SHISAL1: variants seen among roughly 807,000 people sequenced by gnomAD.
The protein encoded by SHISAL1 is protein shisa-like-1.
SHISAL1 carries 9 observed loss-of-function variants against 22.6 expected under a neutral mutation model. The ratio of observed to expected loss-of-function variants is 0.40; its 90% confidence interval spans 0.24 to 0.70. The LOEUF (loss-of-function observed/expected upper bound fraction) is 0.70, where lower values mean the gene tolerates loss of function less well. Ranked by LOEUF, SHISAL1 falls within the 30% of genes least tolerant of loss-of-function variation. The pLI is 0.39. For missense variants in SHISAL1, 246 were observed against 270.6 expected (o/e 0.91, Z 0.64); for synonymous variants, 119 against 115.4 (o/e 1.03, Z -0.20).
intron 4 of SHISAL1, among the ~76,000 whole-genome samples, chr22:44,259,984 C>A (rs1201772704): frequency 6.6e-6 from 1 of 152,166 alleles, no homozygotes; most frequent in African/African-American, 2.4e-5. Context: ...AAACCAGGCA[C>A]CCTCTGGGAT....
chr22:44,262,004 AC>A (rs1380246158), intron 4 of SHISAL1, among the ~76,000 whole-genome samples: 2 of 132,648 alleles, frequency 1.5e-5, no homozygotes, highest in Non-Finnish European at 3.4e-5. Context: ...GGGGCTCAGA[AC>A]TGAGTCAGGT....
At chr22:44,263,875 T>G (rs2147275068) in intron 4 of SHISAL1, among the ~76,000 whole-genome samples, 1 of 152,314 alleles carries the variant, frequency 6.6e-6, no homozygotes, top group Admixed American at 6.5e-5. Context: ...CAAGACTAAA[T>G]CCGTGTTGCT....
At chr22:44,257,530 CT>C (rs1475309997) in intron 4 of SHISAL1, among the ~76,000 whole-genome samples, 1 of 152,248 alleles carries the variant, frequency 6.6e-6, no homozygotes. Context: ...CCTTCCTCCC[CT>C]GGGCAATTTC....
intron 1 of SHISAL1, among the ~76,000 whole-genome samples, chr22:44,311,786 T>C (rs1423315219): frequency 6.6e-6 from 1 of 152,178 alleles, no homozygotes; most frequent in Non-Finnish European, 1.5e-5. Context: ...CAGACTCAGT[T>C]TCCTCCCCTA....
rs975782569 is a variant in SHISAL1, at chr22:44,291,849, G to A, written c.281+4823C>T. Among the ~76,000 whole-genome samples, 11 of 152,094 alleles carry A rather than the reference G, an allele frequency of 7.2e-5. No individual in the cohort carries two copies. The East Asian group carries it at 9.7e-4, about 13-fold the overall frequency. The stretch of plus-strand genomic sequence containing the variant: ...CCCCACACGGAGGCTTCCACAGATC[G>A]CCCAGGGACCTGAGTCTGAGTCGCC... On this transcript the variant is annotated intron_variant, in intron 3 of 4. Transcript: ENST00000381176.
In SHISAL1 at chr22:44,285,717, T is replaced by A. The variant is rs747373802; in HGVS notation, c.310A>T (p.Ile104Phe). 6.2e-7 allele frequency: 1 copy of A among 1,613,808 alleles called. No homozygotes were observed. The highest frequency in any genetic ancestry group is 8.5e-7 in the Non-Finnish European group (1 of 1,179,744). The change falls in exon 4 of 5, where the codon ATC (isoleucine) becomes TTC (phenylalanine). Residue 104 changes from isoleucine (I) to phenylalanine (F), a missense_variant. Around this residue, in one of 2 missense-constraint regions of SHISAL1, gnomAD observed 110 missense variants for 153.1 expected, o/e 0.72. Transcript: ENST00000381176. ...NNYTALLGVW[I>F]YGFFVLMLLV... ...AGCATCAACACGAAAAATCCATAGA[T>A]CCACACTCCCAACAAGGCGGTGTAA...
At chr22:44,300,354 C>T (rs533280692) in intron 2 of SHISAL1, among the ~76,000 whole-genome samples, 1 of 152,328 alleles carries the variant, frequency 6.6e-6, no homozygotes, top group South Asian at 2.1e-4. Flanking sequence ...GGGCTCTCAG[C>T]TCTAGCTGGG....
At chr22:44,253,549 C>T (rs1229294740) in intron 4 of SHISAL1, among the ~76,000 whole-genome samples, 2 of 151,420 alleles carry the variant, frequency 1.3e-5, no homozygotes, top group African/African-American at 4.9e-5. Flanking sequence ...CTGCCTCAGC[C>T]TCCTGAGTAG....
Position 44,296,882 on chromosome 22 carries a change from A to G in SHISAL1, c.71T>C (p.Leu24Ser). Residue 24 changes from leucine to serine, a missense_variant, in exon 3 of 5, where the codon TTG becomes TCG. Physicochemically the swap from Leu to Ser is moderately radical, Grantham distance 145. This residue lies in a region of SHISAL1 where 110 missense variants were observed against 153.1 expected (regional missense o/e 0.72). Coordinates refer to ENST00000381176, the MANE Select transcript of SHISAL1 (RefSeq NM_001099294.2). ...TTCACAGACCCGGAAATGTGCAGACAAGACTGGAAGACAGAGTCACCAGGC... is the reference window on the plus strand; with the variant it reads ...TTCACAGACCCGGAAATGTGCAGACGAGACTGGAAGACAGAGTCACCAGGC... Reference protein sequence around the residue: ...VLFSLLFSAVLSAHFRVCEPY... With the variant: ...VLFSLLFSAVSSAHFRVCEPY... The G allele has an allele frequency of 6.2e-7, 1 of 1,610,594 alleles. No individual in the cohort carries two copies. The highest frequency in any genetic ancestry group is 8.5e-7 in the Non-Finnish European group (1 of 1,178,554).
At chr22:44,296,547 C>A (rs936079622) in intron 3 of SHISAL1, 125 bp downstream of exon 3, 2 of 758,562 alleles carry the variant, frequency 2.6e-6, no homozygotes, top group African/African-American at 3.5e-5. Context: ...CTCCCAGACT[C>A]CTTCCAGGCC....
At chr22:44,295,216 C>G (rs1320324351) in intron 3 of SHISAL1, among the ~76,000 whole-genome samples, 2 of 151,560 alleles carry the variant, frequency 1.3e-5, no homozygotes, top group East Asian at 1.9e-4. Flanking sequence ...GCATATCACA[C>G]TCTACCTCAA....
chr22:44,263,168 T>C (rs1011322248), intron 4 of SHISAL1, among the ~76,000 whole-genome samples: 1 of 143,700 alleles, frequency 7.0e-6, no homozygotes, highest in Non-Finnish European at 1.5e-5. Context: ...CCACCCGGGT[T>C]CCAGCGATTC....
intron 4 of SHISAL1, among the ~76,000 whole-genome samples, chr22:44,259,531 G>A (rs559960599): frequency 6.6e-6 from 1 of 152,104 alleles, no homozygotes; most frequent in Admixed American, 6.5e-5. Flanking sequence ...CAGGATGGGG[G>A]CTGCTTCCTG....
chr22:44,309,854 G>C (rs1470285958), intron 1 of SHISAL1, among the ~76,000 whole-genome samples: 1 of 152,230 alleles, frequency 6.6e-6, no homozygotes, highest in Non-Finnish European at 1.5e-5. Context: ...TCTGAAACGT[G>C]AAGTCCAGGA....
chr22:44,254,257 C>G (rs2055069389), intron 4 of SHISAL1, among the ~76,000 whole-genome samples: 1 of 151,564 alleles, frequency 6.6e-6, no homozygotes, highest in African/African-American at 2.4e-5. Context: ...CAAAATAAAC[C>G]TAAGAAAGAC....
chr22:44,296,554 G>T lies in SHISAL1; in HGVS notation c.281+118C>A, dbSNP rs1053140993. ...CAAAGACTCTCCCAGACTCCTTCCA[G>T]GCCCACCCAACCTTATAGCGGTTAC... On this transcript the variant is annotated intron_variant, in intron 3 of 4. Transcript: ENST00000381176. 4 of 813,690 alleles carry T rather than the reference G, an allele frequency of 4.9e-6. No homozygotes were observed. In the African/African-American group the frequency reaches 6.8e-5, roughly 14 times the overall value. 50.4% of individuals were successfully genotyped at this position (813,690 alleles called of 1,614,324 possible). A position where few individuals can be genotyped will look rare whatever the true frequency, so the allele number is the denominator to read the frequency against.
the SHISAL1 span, among the ~76,000 whole-genome samples, chr22:44,331,129 G>A: frequency 6.6e-6 from 1 of 151,754 alleles, no homozygotes; most frequent in Non-Finnish European, 1.5e-5. This position sits in a 1 kb window ranked among gnomAD's most constrained non-coding sequence, Gnocchi z 5.2. Flanking sequence ...TGCTCTCTTC[G>A]GAACCCAGCC....
intron 3 of SHISAL1, among the ~76,000 whole-genome samples, chr22:44,287,752 G>C (rs2055326147): frequency 6.6e-6 from 1 of 152,178 alleles, no homozygotes. Flanking sequence ...GCCCCATCCA[G>C]TATGCTGGGG....
chr22:44,289,052 T>C (rs548475118), intron 3 of SHISAL1, among the ~76,000 whole-genome samples: 1 of 152,322 alleles, frequency 6.6e-6, no homozygotes, highest in South Asian at 2.1e-4. Context: ...TGATACTAAC[T>C]TCCCTGGAGT....
Sources: gnomAD v4.1 joint callset for allele counts (sites outside exome capture counted in the v4.1 genomes callset) on GRCh38, gnomAD v4.1.1 for gene constraint, gnomAD v4.1.1 regional missense constraint, Gnocchi (gnomAD v3.1) non-coding constraint, MANE v1.5 for transcripts, NCBI Gene and HGNC (gene_info 2026-07-23, HGNC 2026-07-21) for gene names.